ATRNL1: variants seen among roughly 807,000 people sequenced by gnomAD.
ATRNL1 encodes the protein attractin like 1.
In ATRNL1, 95 loss-of-function variants were observed where a neutral mutation model predicts 182.7. That is an observed-to-expected ratio of 0.52 (90% CI 0.44 to 0.62). The LOEUF (loss-of-function observed/expected upper bound fraction) is 0.62, where lower values mean the gene tolerates loss of function less well. ATRNL1 is among the 20% of genes least tolerant of loss of function. The probability of loss-of-function intolerance (pLI) is 0.00; values close to 1 mark genes in which losing one functional copy is unlikely to be tolerated. For synonymous variants in ATRNL1, 576 were observed against 568.3 expected (o/e 1.01, Z -0.19); for missense variants, 1,471 against 1,679.5 (o/e 0.88, Z 2.17).
chr10:115,251,219 A>G (rs1005479380), intron 10 of ATRNL1, among the ~76,000 whole-genome samples: 4 of 152,030 alleles, frequency 2.6e-5, no homozygotes, highest in Admixed American at 2.6e-4. Context: ...TTATCCTGGC[A>G]TTATTTAGAT....
At chr10:115,384,253 T>A (rs954260730) in intron 19 of ATRNL1, among the ~76,000 whole-genome samples, 12 of 152,150 alleles carry the variant, frequency 7.9e-5, no homozygotes, top group Middle Eastern at 3.4e-3. Context: ...AGTAAATGCA[T>A]GTTCTTTAAA....
intron 28 of ATRNL1, among the ~76,000 whole-genome samples, chr10:115,884,630 C>T (rs1220192798): frequency 6.6e-6 from 1 of 152,108 alleles, no homozygotes; most frequent in African/African-American, 2.4e-5. Context: ...AATTCTGCCA[C>T]CTGGACACTT....
At chr10:115,162,541 T>A (rs1398348408) in intron 6 of ATRNL1, among the ~76,000 whole-genome samples, 1 of 151,746 alleles carries the variant, frequency 6.6e-6, no homozygotes, top group Non-Finnish European at 1.5e-5. Flanking sequence ...ATGTTGTAGA[T>A]CTTTTGGGAG....
rs182900776 is a variant in ATRNL1 at position 115,708,774 on chromosome 10, C to T, written c.3796-18474C>T. The stretch of plus-strand genomic sequence containing the variant: ...ATTGCTAAAGGATATCATTTAAGCT[C>T]TTACTGGTTCTGTGTATTTGCTAAT... On this transcript the variant is annotated intron_variant, in intron 26 of 28. Transcript: ENST00000355044. Among the ~76,000 whole-genome samples, 93 of 151,880 alleles carry T rather than the reference C, an allele frequency of 6.1e-4. 2 individuals are homozygous for T. Among genetic ancestry groups the T allele is most frequent in the African/African-American group, 2.0e-3 (83 of 41,516 alleles).
chr10:115,475,120 A>G (rs1848474615), intron 24 of ATRNL1, among the ~76,000 whole-genome samples: 1 of 151,460 alleles, frequency 6.6e-6, no homozygotes, highest in Non-Finnish European at 1.5e-5. Flanking sequence ...GGCTTAAATT[A>G]TGGTTCACAG....
chr10:115,172,492 A>G (rs1172216913), intron 8 of ATRNL1, among the ~76,000 whole-genome samples: 12 of 151,882 alleles, frequency 7.9e-5, no homozygotes, highest in Non-Finnish European at 4.4e-5. Context: ...TGGCCTGTCA[A>G]TTTCTTGATC....
chr10:115,561,700 T>G (rs199701360), intron 26 of ATRNL1, among the ~76,000 whole-genome samples: 1 of 102,158 alleles, frequency 9.8e-6, no homozygotes, highest in Admixed American at 1.1e-4. Flanking sequence ...GGTGTGTGTG[T>G]GTGGGTGTGT....
chr10:115,934,306 C>T (rs1463146301), intron 28 of ATRNL1, among the ~76,000 whole-genome samples: 1 of 152,184 alleles, frequency 6.6e-6, no homozygotes, highest in Non-Finnish European at 1.5e-5. Context: ...CAACAGCTAA[C>T]ATTCCCCACC....
chr10:115,583,488 G>C (rs11197309), intron 26 of ATRNL1, among the ~76,000 whole-genome samples: 1 of 105,014 alleles, frequency 9.5e-6, no homozygotes, highest in African/African-American at 2.9e-5. Context: ...TTGGATTCCT[G>C]GGTATTTTAT....
intron 26 of ATRNL1, among the ~76,000 whole-genome samples, chr10:115,699,216 A>G (rs1330302386): frequency 2.0e-5 from 3 of 152,146 alleles, no homozygotes; most frequent in African/African-American, 4.8e-5. Context: ...CAGTGTAGTA[A>G]AGTTATCAAA....
At chr10:115,353,380 A>G (rs997690327) in intron 19 of ATRNL1, among the ~76,000 whole-genome samples, 1 of 152,142 alleles carries the variant, frequency 6.6e-6, no homozygotes, top group Admixed American at 6.5e-5. Context: ...TGACATAGGT[A>G]TAGCTATTCT....
At chr10:115,367,752 C>T (rs1409612699) in intron 19 of ATRNL1, among the ~76,000 whole-genome samples, 1 of 103,782 alleles carries the variant, frequency 9.6e-6, no homozygotes, top group African/African-American at 3.1e-5. Context: ...GGACCCTCAG[C>T]TGCAGGTCTG....
chr10:115,426,389 G>A (rs1365182331), intron 21 of ATRNL1, 87 bp downstream of exon 21: 2 of 915,724 alleles, frequency 2.2e-6, no homozygotes, highest in Non-Finnish European at 3.3e-6. Context: ...AACTAAAATT[G>A]TCATGAATAT....
intron 20 of ATRNL1, among the ~76,000 whole-genome samples, chr10:115,405,962 A>C (rs1844809864): frequency 6.6e-6 from 1 of 150,690 alleles, no homozygotes; most frequent in Non-Finnish European, 1.5e-5. Context: ...TTGTCCTTGC[A>C]ATAGTTTGCT....
At chr10:115,851,521 A>C (rs527594025) in intron 28 of ATRNL1, among the ~76,000 whole-genome samples, 14 of 152,252 alleles carry the variant, frequency 9.2e-5, no homozygotes, top group Non-Finnish European at 1.9e-4. Flanking sequence ...TCTTAACCAG[A>C]GGTCAAAAGA....
chr10:115,626,344 G>A (rs567317951), intron 26 of ATRNL1, among the ~76,000 whole-genome samples: 2 of 152,080 alleles, frequency 1.3e-5, no homozygotes, highest in Non-Finnish European at 2.9e-5. Context: ...ATCAACATAG[G>A]TTCATTTTAA....
intron 21 of ATRNL1, among the ~76,000 whole-genome samples, chr10:115,427,216 A>G (rs935582087): frequency 1.3e-5 from 2 of 152,252 alleles, no homozygotes; most frequent in East Asian, 1.9e-4. Context: ...CACTTTCCTA[A>G]TTACTAATGA....
At chr10:115,098,700 A>C (rs951424294) in intron 1 of ATRNL1, among the ~76,000 whole-genome samples, 2 of 151,152 alleles carry the variant, frequency 1.3e-5, no homozygotes, top group Admixed American at 6.6e-5. Flanking sequence ...CTCGTGATCC[A>C]CCCGCCTCGG....
At chr10:115,462,131 T>C (rs1554969817) in intron 22 of ATRNL1, 96 bp downstream of exon 22, 13 of 746,708 alleles carry the variant, frequency 1.7e-5, no homozygotes, top group South Asian at 2.2e-5. Flanking sequence ...ATTATCACAT[T>C]GTAGGGCCTT....
Sources: allele counts gnomAD v4.1 joint callset (sites outside exome capture counted in the v4.1 genomes callset), GRCh38; gene constraint gnomAD v4.1.1; transcripts MANE v1.5; gene names NCBI Gene and HGNC (gene_info 2026-07-23, HGNC 2026-07-21).